Variants in SRGAP1 observed in about 807,000 individuals in gnomAD.
SRGAP1 encodes SLIT-ROBO Rho GTPase activating protein 1, also known as SLIT-ROBO Rho GTPase-activating protein 1.
SRGAP1 carries 43 observed loss-of-function variants against 121.9 expected under a neutral mutation model. That is an observed-to-expected ratio of 0.35 (90% CI 0.28 to 0.46). The LOEUF (loss-of-function observed/expected upper bound fraction) is 0.46. Among genes scored for constraint, SRGAP1 ranks in the 20% least tolerant of loss-of-function variants. SRGAP1 has a pLI of 1.00. For missense variants in SRGAP1, 1,102 were observed against 1,350.9 expected, an observed-to-expected ratio of 0.82 and a Z score of 2.89; for synonymous variants, 447 against 485.4, an observed-to-expected ratio of 0.92 and a Z score of 1.04.
intron 1 of SRGAP1, among the ~76,000 whole-genome samples, chr12:63,906,418 C>A (rs1276369827): frequency 3.3e-5 from 5 of 151,716 alleles, no homozygotes; most frequent in African/African-American, 1.2e-4. Flanking sequence ...GGGTCCACAC[C>A]ATTCTCCTGC....
chr12:63,861,320 G>A, intron 1 of SRGAP1, among the ~76,000 whole-genome samples: 1 of 135,310 alleles, frequency 7.4e-6, no homozygotes, highest in Non-Finnish European at 1.5e-5. Context: ...TTTTTTTTGA[G>A]GCAAAGTCTT....
chr12:64,039,702 A>G (rs2034976754), intron 4 of SRGAP1, among the ~76,000 whole-genome samples: 1 of 124,676 alleles, frequency 8.0e-6, no homozygotes, highest in South Asian at 2.8e-4. Flanking sequence ...CAAGACCCAA[A>G]TATAATAGTA....
chr12:64,136,656 A>C (rs997668355), intron 21 of SRGAP1, among the ~76,000 whole-genome samples: 12 of 152,222 alleles, frequency 7.9e-5, no homozygotes, highest in African/African-American at 2.9e-4. Flanking sequence ...GAGAAGTTTA[A>C]TGTGTTTTTT....
At chr12:64,019,620 T>C (rs1338884505) in intron 4 of SRGAP1, among the ~76,000 whole-genome samples, 1 of 152,204 alleles carries the variant, frequency 6.6e-6, no homozygotes, top group Admixed American at 6.5e-5. Context: ...ATTTTGTCTT[T>C]CTTGCATTTT....
chr12:63,917,272 C>A (rs975658978), intron 1 of SRGAP1, among the ~76,000 whole-genome samples: 1 of 152,108 alleles, frequency 6.6e-6, no homozygotes, highest in Non-Finnish European at 1.5e-5. Flanking sequence ...CTGGGATTCT[C>A]CTGAGTCGTC....
chr12:63,855,493 T>G lies in SRGAP1; in HGVS notation c.67+10610T>G, dbSNP rs965325582. The stretch of plus-strand genomic sequence containing the variant: ...ATGGTGTTTTTTTTTTTTTTTTTTT[T>G]TTTTTTTTTTTTGAGGGAGAGTCTC... On this transcript the variant is annotated intron_variant, in intron 1 of 21. Coordinates refer to ENST00000355086, the MANE Select transcript of SRGAP1 (RefSeq NM_020762.4). Among the ~76,000 whole-genome samples the G allele has an allele frequency of 1.3e-4, 18 of 133,996 alleles. No individual in the cohort carries two copies. The East Asian group carries it at 2.5e-3, about 18-fold the overall frequency. 87.9% of individuals were successfully genotyped at this position (133,996 alleles called of 152,430 possible).
rs879582927 is a variant in SRGAP1, at chr12:63,889,907, C to CA, written c.67+45035dup. 9.8e-3 allele frequency among the ~76,000 whole-genome samples: 1,313 copies of CA among 134,112 alleles called. 24 individuals are homozygous for CA. Among genetic ancestry groups the CA allele is most frequent in the African/African-American group, 0.031 (1,119 of 36,354 alleles). 88.0% of individuals were successfully genotyped at this position (134,112 alleles called of 152,430 possible). A position where few individuals can be genotyped will look rare whatever the true frequency, so the allele number is the denominator to read the frequency against. The stretch of plus-strand genomic sequence containing the variant: ...TGGGTGACAGAGCGAGACTCAGTCT[C>CA]AAAAAAAAAAAGAAAGAAAAAGAAT... On this transcript the variant is annotated intron_variant, in intron 1 of 21. Transcript: ENST00000355086.
At chr12:64,121,267 A>G (rs973089800) in intron 18 of SRGAP1, among the ~76,000 whole-genome samples, 2 of 152,110 alleles carry the variant, frequency 1.3e-5, no homozygotes, top group African/African-American at 2.4e-5. Flanking sequence ...CCTGGGATCC[A>G]AAGTGCTGGG....
At chr12:63,935,492 ATTATAT>A (rs552208066) in intron 1 of SRGAP1, among the ~76,000 whole-genome samples, 19 of 152,186 alleles carry the variant, frequency 1.2e-4, no homozygotes, top group Non-Finnish European at 1.6e-4. Flanking sequence ...ATGTTCTAAA[ATTATAT>A]TTAATCTACA....
At chr12:64,041,532 A>G (rs2035024638) in intron 4 of SRGAP1, among the ~76,000 whole-genome samples, 1 of 151,860 alleles carries the variant, frequency 6.6e-6, no homozygotes, top group Non-Finnish European at 1.5e-5. Flanking sequence ...CTACAGGTGC[A>G]TGCCACCAGG....
In SRGAP1 at chr12:64,128,164, T is replaced by C; in HGVS notation, c.2844T>C (p.Asn948=). 3.7e-6 allele frequency: 6 copies of C among 1,613,750 alleles called. No homozygotes were observed. Among genetic ancestry groups the C allele is most frequent in the Non-Finnish European group, 4.2e-6 (5 of 1,179,856 alleles). Reference sequence around the variant, plus strand: ...CATCAGGGCAATACACGGGCTTCAATGACCACAAGCCACTGGACCCAGAGA... The same window carrying C: ...CATCAGGGCAATACACGGGCTTCAACGACCACAAGCCACTGGACCCAGAGA... The part of the protein sequence containing the change: ...STSSGQYTGF[N]DHKPLDPETI... The change falls in exon 21 of 22, where the codon AAT becomes AAC. Residue 948 remains asparagine, a synonymous_variant. Transcript: ENST00000355086.
In SRGAP1 at chr12:64,065,205, A is replaced by G; in HGVS notation, c.1111A>G (p.Ile371Val). 7 of 1,613,078 alleles carry G rather than the reference A, an allele frequency of 4.3e-6. No homozygotes were observed. Among genetic ancestry groups the G allele is most frequent in the Non-Finnish European group, 5.9e-6 (7 of 1,179,700 alleles). The change falls in exon 8 of 22, where the codon ATC becomes GTC. Residue 371 changes from isoleucine to valine, a missense_variant. Around this residue, in one of 3 missense-constraint regions of SRGAP1, gnomAD observed 747 missense variants for 929.4 expected, o/e 0.80. Coordinates refer to ENST00000355086, the MANE Select transcript of SRGAP1 (RefSeq NM_020762.4). ...QLQSRLATLKIENEEVKKTTE... is the reference protein window; with the variant it reads ...QLQSRLATLKVENEEVKKTTE... The stretch of plus-strand genomic sequence containing the variant: ...GCAGTCCCGCCTTGCCACGCTCAAA[A>G]TCGAGAATGAAGAGGTGAGCATGCG...
At chr12:64,068,577 C>T (rs966156963) in intron 8 of SRGAP1, among the ~76,000 whole-genome samples, 3 of 151,900 alleles carry the variant, frequency 2.0e-5, no homozygotes, top group African/African-American at 4.8e-5. Flanking sequence ...TCAAGCGATC[C>T]GCCTGCCTTG....
At chr12:63,944,602 C>G (rs183651908) in intron 1 of SRGAP1, among the ~76,000 whole-genome samples, 2 of 152,138 alleles carry the variant, frequency 1.3e-5, no homozygotes, top group Admixed American at 6.5e-5. Flanking sequence ...GTTTCTACCC[C>G]TCCTGCACAG....
intron 6 of SRGAP1, among the ~76,000 whole-genome samples, chr12:64,051,554 G>A (rs1456043): frequency 0.31 from 47,447 of 152,026 alleles, 7,749 homozygotes; most frequent in South Asian, 0.45. Flanking sequence ...TTACATATGT[G>A]TCATTGACAC....
At chr12:64,112,851 G>A (rs2036451849) in intron 17 of SRGAP1, among the ~76,000 whole-genome samples, 1 of 152,132 alleles carries the variant, frequency 6.6e-6, no homozygotes, top group South Asian at 2.1e-4. Context: ...ATCTCATAGA[G>A]GTAGAGAGTA....
intron 1 of SRGAP1, among the ~76,000 whole-genome samples, chr12:63,977,350 A>T (rs1217390385): frequency 1.3e-5 from 2 of 152,224 alleles, no homozygotes; most frequent in African/African-American, 4.8e-5. Context: ...ACCAAATGAG[A>T]ATGTGAAATA....
At chr12:64,020,344 G>A (rs2034512309) in intron 4 of SRGAP1, among the ~76,000 whole-genome samples, 2 of 152,138 alleles carry the variant, frequency 1.3e-5, no homozygotes, top group Non-Finnish European at 2.9e-5. Context: ...ATGGCACGAA[G>A]CCCTGGACTT....
intron 1 of SRGAP1, among the ~76,000 whole-genome samples, chr12:63,954,734 G>A (rs1156543070): frequency 2.0e-5 from 3 of 151,316 alleles, no homozygotes; most frequent in African/African-American, 7.3e-5. Flanking sequence ...TTGAAGCAAT[G>A]GAAAAATAGT....
Sources: gnomAD v4.1 joint callset for allele counts (sites outside exome capture counted in the v4.1 genomes callset) on GRCh38, gnomAD v4.1.1 for gene constraint, gnomAD v4.1.1 regional missense constraint, MANE v1.5 for transcripts, NCBI Gene and HGNC (gene_info 2026-07-23, HGNC 2026-07-21) for gene names.